SPTBN2: variants seen among roughly 807,000 people sequenced by gnomAD.
SPTBN2 encodes the protein spectrin beta chain, non-erythrocytic 2.
A neutral mutation model predicts 284.2 loss-of-function variants in SPTBN2; 107 were observed. The ratio of observed to expected loss-of-function variants is 0.38; its 90% CI spans 0.32 to 0.44. The LOEUF (loss-of-function observed/expected upper bound fraction) is 0.44. SPTBN2 is among the 20% of genes least tolerant of loss of function. The pLI is 1.00. For missense variants in SPTBN2, 2,569 were observed against 3,287.1 expected, an observed-to-expected ratio of 0.78 and a Z score of 5.34; for synonymous variants, 1,289 against 1,354.8, an observed-to-expected ratio of 0.95 and a Z score of 1.07.
chr11:66,734,077 C>T (rs971500171), upstream of SPTBN2, among the ~76,000 whole-genome samples: 4 of 151,622 alleles, frequency 2.6e-5, no homozygotes, highest in African/African-American at 9.7e-5. Context: ...CAGCAATTGA[C>T]TCTAATTATG....
At chr11:66,694,476 C>T (rs1940785642) in intron 21 of SPTBN2, 113 bp from the exon 22 acceptor site, 1 of 1,091,658 alleles carries the variant, frequency 9.2e-7, no homozygotes, top group South Asian at 1.5e-5. Flanking sequence ...CACTGCAGCT[C>T]ACCCAGGGAG....
chr11:66,694,903 T>C (rs1044438597), intron 21 of SPTBN2, among the ~76,000 whole-genome samples: 2 of 152,186 alleles, frequency 1.3e-5, no homozygotes, highest in African/African-American at 4.8e-5. Context: ...AAGGTGCTTT[T>C]CTTCCTCCTA....
chr11:66,705,216 C>T lies in SPTBN2; in HGVS notation c.2060G>A (p.Arg687Gln), dbSNP rs748705169. Residue 687 changes from arginine to glutamine, a missense_variant, in exon 15 of 38, where the codon CGG (arginine) becomes CAG (glutamine). Physicochemically the swap from Arg to Gln is conservative, Grantham distance 43. Coordinates refer to ENST00000533211, the MANE Select transcript of SPTBN2 (RefSeq NM_006946.4). Reference sequence around the variant, plus strand: ...CCCCAGCCGGCCGCTCATCTCGCCCCGCAGGGCTGTGTGCTTGTTGAGCAG... The same window carrying T: ...CCCCAGCCGGCCGCTCATCTCGCCCTGCAGGGCTGTGTGCTTGTTGAGCAG... ...LRLLNKHTALRGEMSGRLGPL... is the reference protein window; with the variant it reads ...LRLLNKHTALQGEMSGRLGPL... 10 of 1,547,190 alleles carry T rather than the reference C, an allele frequency of 6.5e-6. No individual in the cohort carries two copies. Among genetic ancestry groups the T allele is most frequent in the East Asian group, 2.4e-5 (1 of 41,322 alleles).
chr11:66,721,272 G>C lies in SPTBN2; in HGVS notation c.-22-10C>G, dbSNP rs200435327. 6.2e-7 allele frequency: 1 copy of C among 1,614,032 alleles called. No homozygotes were observed. The highest frequency in any genetic ancestry group is 1.7e-5 in the Admixed American group (1 of 60,016). ...AGGCGGCTTCCTGCTCCTGCAAGGA[G>C]AATGTGGCCAGTGAGGGGTGTCCAG... On this transcript the variant is annotated splice_polypyrimidine_tract_variant and intron_variant, in intron 2 of 37. Transcript: ENST00000533211.
rs1187520837 is a variant in SPTBN2 at position 66,683,562 on chromosome 11, CTA to C, written c.*2307_*2308del. On this transcript the variant is annotated 3_prime_UTR_variant, in exon 38 of 38. Transcript: ENST00000533211. Reference sequence around the variant, plus strand: ...TTCCTGACACTATGCTTCCCCTCTTCTATGTCCTGTTCTTAAGGAATCATGCC... The same window carrying C: ...TTCCTGACACTATGCTTCCCCTCTTCTGTCCTGTTCTTAAGGAATCATGCC... Among the ~76,000 whole-genome samples the C allele has an allele frequency of 9.8e-5, 15 of 152,358 alleles. No individual in the cohort carries two copies. Among genetic ancestry groups the C allele is most frequent in the Non-Finnish European group, 1.5e-4 (10 of 68,038 alleles).
rs781030083 is a variant in SPTBN2, at chr11:66,687,184, G to T, written c.6723-17C>A. The stretch of plus-strand genomic sequence containing the variant: ...TGCCAGGACCTGCGAGGGACGCGGT[G>T]CTGACTGGCCGGCCTCAGTGGCGCC... On this transcript the variant is annotated splice_polypyrimidine_tract_variant and intron_variant, in intron 35 of 37. Coordinates refer to ENST00000533211, the MANE Select transcript of SPTBN2 (RefSeq NM_006946.4). The surrounding 1 kb of genome is among the most constrained non-coding windows in gnomAD (Gnocchi z 5.2). The T allele has an allele frequency of 6.2e-7, 1 of 1,613,174 alleles. No homozygotes were observed. The highest frequency in any genetic ancestry group is 1.3e-5 in the African/African-American group (1 of 75,050).
rs1941697648 is a variant in SPTBN2, at chr11:66,708,712, G to A, written c.1191+190C>T. The stretch of plus-strand genomic sequence containing the variant: ...GTCAGACAAAGGGACAGGGAGCCGT[G>A]TGCCTGAGAGGATGGGAGAATCACA... On this transcript the variant is annotated intron_variant, in intron 11 of 37. Coordinates refer to ENST00000533211, the MANE Select transcript of SPTBN2 (RefSeq NM_006946.4). The surrounding 1 kb of genome is among the most constrained non-coding windows in gnomAD (Gnocchi z 4.4). Among the ~76,000 whole-genome samples, 1 of 152,224 alleles carries A rather than the reference G, an allele frequency of 6.6e-6. No individual in the cohort carries two copies. The highest frequency in any genetic ancestry group is 2.1e-4 in the South Asian group (1 of 4,836).
At position 66,700,900 on chromosome 11, in the gene SPTBN2, G is replaced by A; in HGVS notation, c.3199C>T (p.Leu1067=). The change falls in exon 17 of 38, where the codon CTG becomes TTG. Residue 1067 remains leucine, a synonymous_variant. Coordinates refer to ENST00000533211, the MANE Select transcript of SPTBN2 (RefSeq NM_006946.4). This position sits in a 1 kb window ranked among gnomAD's most constrained non-coding sequence, Gnocchi z 6.6. ...REESLGEARR[L]QDFLRSLDDF... ...TCCAAGCTGCGCAAGAAGTCCTGCAGCCGCCGCGCCTCCCCCAGCGACTCT... is the reference window on the plus strand; with the variant it reads ...TCCAAGCTGCGCAAGAAGTCCTGCAACCGCCGCGCCTCCCCCAGCGACTCT... 6.2e-7 allele frequency: 1 copy of A among 1,600,478 alleles called. No homozygotes were observed. The highest frequency in any genetic ancestry group is 2.2e-5 in the East Asian group (1 of 44,866).
intron 3 of SPTBN2, among the ~76,000 whole-genome samples, chr11:66,720,382 C>T (rs956579058): frequency 1.8e-4 from 28 of 152,160 alleles, no homozygotes; most frequent in Admixed American, 7.2e-4. Flanking sequence ...CCATGCCAGC[C>T]ACTGGTGGTG....
chr11:66,690,267 T>C lies in SPTBN2; in HGVS notation c.5582A>G (p.Asp1861Gly). ...GGCCTTCTGGAGCCGGTGGCCGTCG[T>C]CCTGCACCTGCTGGACCTGCGGAGC... Reference protein sequence around the residue: ...ALSPQVQQVQDDGHRLQKAYA... With the variant: ...ALSPQVQQVQGDGHRLQKAYA... Residue 1861 changes from aspartate to glycine, a missense_variant, in exon 28 of 38, where the codon GAC (aspartate) becomes GGC (glycine). By Grantham distance (94) the Asp-to-Gly change is moderately conservative. Around this residue, in one of 6 missense-constraint regions of SPTBN2, gnomAD observed 1,130 missense variants for 1,317.3 expected, o/e 0.86. Coordinates refer to ENST00000533211, the MANE Select transcript of SPTBN2 (RefSeq NM_006946.4). 1 of 1,609,950 alleles carries C rather than the reference T, an allele frequency of 6.2e-7. No homozygotes were observed. Among genetic ancestry groups the C allele is most frequent in the Non-Finnish European group, 8.5e-7 (1 of 1,178,390 alleles).
Position 66,685,736 on chromosome 11 carries a change from T to C in SPTBN2, c.*135A>G. ...AACATGGACTCGTCCCCAGTGACAG[T>C]TCCTGGTGATGGGTTGACCTTGGCA... On this transcript the variant is annotated 3_prime_UTR_variant, in exon 38 of 38. Coordinates refer to ENST00000533211, the MANE Select transcript of SPTBN2 (RefSeq NM_006946.4). This position sits in a 1 kb window ranked among gnomAD's most constrained non-coding sequence, Gnocchi z 4.4. The C allele has an allele frequency of 2.5e-6, 2 of 802,658 alleles. No individual in the cohort carries two copies. Among genetic ancestry groups the C allele is most frequent in the South Asian group, 2.9e-5 (2 of 69,462 alleles). 49.7% of individuals were successfully genotyped at this position (802,658 alleles called of 1,614,324 possible).
At chr11:66,711,083 C>T (rs530897975) in intron 8 of SPTBN2, 54 bp from the exon 9 acceptor site, 406 of 1,455,292 alleles carry the variant, frequency 2.8e-4, no homozygotes, top group Middle Eastern at 1.8e-3. Flanking sequence ...CCATAACTTG[C>T]ATCACTTACC....
At chr11:66,686,582 A>G (rs1414730317) in intron 36 of SPTBN2, 142 bp from the exon 37 acceptor site, 4 of 896,474 alleles carry the variant, frequency 4.5e-6, no homozygotes, top group African/African-American at 1.6e-5. Flanking sequence ...CGCTCTGCAC[A>G]TTCTTCAGCT....
In SPTBN2 at chr11:66,686,676, G is replaced by C. The variant is rs74699806; in HGVS notation, c.6897-236C>G. 6.3e-3 allele frequency: 3,962 copies of C among 632,482 alleles called. 133 individuals carry two copies. The African/African-American group carries it at 0.064, about 10-fold the overall frequency. The allele number at this position is 632,482 out of a possible 1,614,324, so 39.2% of individuals were successfully genotyped here. ...ACTTCCACCCCAGCCCGGGCCTCCTGCTCCGGCTGCTTGCTGGCAGGCAGG... is the reference window on the plus strand; with the variant it reads ...ACTTCCACCCCAGCCCGGGCCTCCTCCTCCGGCTGCTTGCTGGCAGGCAGG... On this transcript the variant is annotated intron_variant, in intron 36 of 37. Coordinates refer to ENST00000533211, the MANE Select transcript of SPTBN2 (RefSeq NM_006946.4).
rs760200143 is a variant in SPTBN2 at position 66,704,814 on chromosome 11, G to C, written c.2462C>G (p.Pro821Arg). 1.2e-6 allele frequency: 2 copies of C among 1,605,990 alleles called. No individual in the cohort carries two copies. The highest frequency in any genetic ancestry group is 3.3e-5 in the Admixed American group (2 of 59,944). Residue 821 changes from proline to arginine, a missense_variant, in exon 15 of 38, where the codon CCC (proline) becomes CGC (arginine). Physicochemically the swap from Pro to Arg is moderately radical, Grantham distance 103. Coordinates refer to ENST00000533211, the MANE Select transcript of SPTBN2 (RefSeq NM_006946.4). ...AALPPTLSRT[P>R]EVQSRVPTLE... ...GGTGGGCACCCGGCTCTGCACCTCG[G>C]GCGTGCGGCTCAGTGTGGGGGGCAG...
chr11:66,726,060 T>C (rs1196492524), intron 1 of SPTBN2, among the ~76,000 whole-genome samples: 12 of 152,224 alleles, frequency 7.9e-5, no homozygotes, highest in African/African-American at 1.7e-4. Flanking sequence ...ATTTAACTCA[T>C]TGAGGACAAG....
rs1465151122 is a variant in SPTBN2 at position 66,682,924 on chromosome 11, G to A, written c.*2947C>T. ...ACTACAGGCACATGCCACTACACCT[G>A]GCTAATTTTTGTAGAGATGGGGTTT... is the stretch of plus-strand genomic sequence containing the variant. On this transcript the variant is annotated 3_prime_UTR_variant, in exon 38 of 38. Coordinates refer to ENST00000533211, the MANE Select transcript of SPTBN2 (RefSeq NM_006946.4). Among the ~76,000 whole-genome samples, 2 of 151,432 alleles carry A rather than the reference G, an allele frequency of 1.3e-5. No homozygotes were observed. Among genetic ancestry groups the A allele is most frequent in the Non-Finnish European group, 2.9e-5 (2 of 67,858 alleles).
At position 66,710,328 on chromosome 11, in the gene SPTBN2, C is replaced by A. The variant is rs1386683143; in HGVS notation, c.1073+254G>T. Among the ~76,000 whole-genome samples, 20 of 152,284 alleles carry A rather than the reference C, an allele frequency of 1.3e-4. No individual in the cohort carries two copies. The highest frequency in any genetic ancestry group is 2.4e-4 in the Non-Finnish European group (16 of 68,014). ...TGGCCAGACTGGTCTCGGTGATGCG[C>A]CCGCCTTGGCCTCCCAAAGTGCTGG... On this transcript the variant is annotated intron_variant, in intron 10 of 37. Coordinates refer to ENST00000533211, the MANE Select transcript of SPTBN2 (RefSeq NM_006946.4). The surrounding 1 kb of genome is among the most constrained non-coding windows in gnomAD (Gnocchi z 4.9).
chr11:66,732,343 G>A (rs999790672), upstream of SPTBN2, among the ~76,000 whole-genome samples: 10 of 152,164 alleles, frequency 6.6e-5, no homozygotes, highest in African/African-American at 2.4e-4. Flanking sequence ...GACACATGGT[G>A]TACATAGGAA....
Sources: allele counts gnomAD v4.1 joint callset (sites outside exome capture counted in the v4.1 genomes callset), GRCh38; gene constraint gnomAD v4.1.1; regional missense constraint gnomAD v4.1.1; non-coding constraint Gnocchi (gnomAD v3.1); transcripts MANE v1.5; gene names NCBI Gene and HGNC (gene_info 2026-07-23, HGNC 2026-07-21).